CNTN4: variants seen among roughly 807,000 people sequenced by gnomAD.
CNTN4 encodes contactin 4, also known as contactin-4.
In CNTN4, 77 loss-of-function variants were observed where a neutral mutation model predicts 122.5. That is an observed-to-expected ratio of 0.63 (90% CI 0.52 to 0.76). The LOEUF (loss-of-function observed/expected upper bound fraction) is 0.76. CNTN4 is among the 30% of genes least tolerant of loss of function. The pLI, the probability that CNTN4 is intolerant of heterozygous loss-of-function variation, is 0.00. For synonymous variants in CNTN4, 512 were observed against 447.0 expected, an observed-to-expected ratio of 1.15 and a Z score of -1.83; for missense variants, 1,256 against 1,259.1, an observed-to-expected ratio of 1.00 and a Z score of 0.04.
chr3:2,440,364 CAT>C (rs1651189541), intron 3 of CNTN4, among the ~76,000 whole-genome samples: 1 of 152,190 alleles, frequency 6.6e-6, no homozygotes, highest in African/African-American at 2.4e-5. Context: ...GAAAATCCCT[CAT>C]ATGTCTTTAA....
chr3:2,154,759 A>G (rs571310236), intron 2 of CNTN4, among the ~76,000 whole-genome samples: 3 of 152,338 alleles, frequency 2.0e-5, no homozygotes, highest in Admixed American at 6.5e-5. Flanking sequence ...AGAGGTTCCC[A>G]TGGGAACCAC....
chr3:2,269,036 T>C (rs1196905583), intron 2 of CNTN4, among the ~76,000 whole-genome samples: 1 of 152,162 alleles, frequency 6.6e-6, no homozygotes, highest in East Asian at 1.9e-4. Flanking sequence ...TCTGTCGAAA[T>C]GTCTGATGCA....
At chr3:2,912,546 T>C (rs2094312044) in intron 12 of CNTN4, among the ~76,000 whole-genome samples, 1 of 152,196 alleles carries the variant, frequency 6.6e-6, no homozygotes, top group Non-Finnish European at 1.5e-5. Flanking sequence ...TCCTGTAATA[T>C]TGTAGGTACA....
intron 3 of CNTN4, among the ~76,000 whole-genome samples, chr3:2,364,664 T>C (rs1006257703): frequency 4.6e-5 from 7 of 152,108 alleles, no homozygotes; most frequent in Non-Finnish European, 8.8e-5. Context: ...GGATACTTTA[T>C]TGCACTGAGT....
intron 4 of CNTN4, among the ~76,000 whole-genome samples, chr3:2,657,254 AT>A (rs1228480171): frequency 6.6e-6 from 1 of 152,202 alleles, no homozygotes; most frequent in African/African-American, 2.4e-5. Context: ...TTGGAAACCT[AT>A]TTTACATTGA....
chr3:2,611,574 C>G (rs1904393), intron 4 of CNTN4, among the ~76,000 whole-genome samples: 99 of 152,104 alleles, frequency 6.5e-4, no homozygotes, highest in African/African-American at 2.2e-3. Flanking sequence ...GACTTAGATA[C>G]GTTCACACCA....
At chr3:2,236,207 T>A (rs959446067) in intron 2 of CNTN4, among the ~76,000 whole-genome samples, 1 of 152,180 alleles carries the variant, frequency 6.6e-6, no homozygotes, top group African/African-American at 2.4e-5. Flanking sequence ...ATCCTCTAGG[T>A]CATTGCTAAA....
At chr3:2,396,656 G>GTTTGTT (rs2046651708) in intron 3 of CNTN4, among the ~76,000 whole-genome samples, 1 of 145,106 alleles carries the variant, frequency 6.9e-6, no homozygotes, top group Admixed American at 6.9e-5. Flanking sequence ...TTATGTCTGG[G>GTTTGTT]TTTTTTTTTT....
At position 2,578,401 on chromosome 3, in the gene CNTN4, A is replaced by G. The variant is rs150564010; in HGVS notation, c.55+6843A>G. 3.3e-5 allele frequency among the ~76,000 whole-genome samples: 5 copies of G among 152,288 alleles called. No individual in the cohort carries two copies. The East Asian group carries it at 9.7e-4, about 29-fold the overall frequency. On this transcript the variant is annotated intron_variant, in intron 4 of 24. Coordinates refer to ENST00000418658, the MANE Select transcript of CNTN4 (RefSeq NM_175607.3). ...TAAAGCTCATGACCAACCCAGAAGG[A>G]TCCTCCCTTTTATCCCCACCAGGAT...
chr3:2,737,135 G>C (rs987376629), intron 5 of CNTN4, among the ~76,000 whole-genome samples: 3 of 151,682 alleles, frequency 2.0e-5, no homozygotes, highest in Non-Finnish European at 4.4e-5. Flanking sequence ...GGCTGAAGTG[G>C]ATTGGCTCAG....
chr3:2,628,408 C>G (rs1050859015), intron 4 of CNTN4, among the ~76,000 whole-genome samples: 2 of 152,174 alleles, frequency 1.3e-5, no homozygotes, highest in African/African-American at 4.8e-5. Flanking sequence ...ATCAACTTTG[C>G]TGTTCCACAG....
chr3:2,243,428 G>C (rs189442491), intron 2 of CNTN4, among the ~76,000 whole-genome samples: 2 of 152,224 alleles, frequency 1.3e-5, no homozygotes, highest in African/African-American at 4.8e-5. Flanking sequence ...ATTAAAGCAA[G>C]CTTGTTCAAC....
At chr3:2,171,350 A>G (rs1231116348) in intron 2 of CNTN4, among the ~76,000 whole-genome samples, 1 of 152,228 alleles carries the variant, frequency 6.6e-6, no homozygotes, top group Non-Finnish European at 1.5e-5. Context: ...AGGATGTAAT[A>G]TGTGATCTCA....
At chr3:2,683,480 A>G (rs532311492) in intron 4 of CNTN4, among the ~76,000 whole-genome samples, 1 of 148,084 alleles carries the variant, frequency 6.8e-6, no homozygotes, top group South Asian at 2.1e-4. Flanking sequence ...CTCTCTGAAC[A>G]CATGTCCACA....
At chr3:2,304,337 C>T (rs2042628941) in intron 2 of CNTN4, among the ~76,000 whole-genome samples, 1 of 151,972 alleles carries the variant, frequency 6.6e-6, no homozygotes. Context: ...TATTTGTATA[C>T]TTAAGAATGA....
chr3:2,606,136 G>C (rs1052622622), intron 4 of CNTN4, among the ~76,000 whole-genome samples: 2 of 152,148 alleles, frequency 1.3e-5, no homozygotes, highest in African/African-American at 4.8e-5. Flanking sequence ...AATATCGAAT[G>C]GGGGGACAAA....
intron 6 of CNTN4, among the ~76,000 whole-genome samples, chr3:2,784,029 T>A (rs1349849488): frequency 6.6e-6 from 1 of 152,236 alleles, no homozygotes; most frequent in African/African-American, 2.4e-5. Context: ...AATAGACTAT[T>A]CTTTTATGAT....
chr3:2,483,690 G>T (rs2076068927), intron 3 of CNTN4, among the ~76,000 whole-genome samples: 1 of 152,070 alleles, frequency 6.6e-6, no homozygotes, highest in Admixed American at 6.6e-5. Context: ...TTTATAAGTG[G>T]CATTTCCCCT....
chr3:2,477,437 A>T (rs1363991532), intron 3 of CNTN4, among the ~76,000 whole-genome samples: 1 of 152,220 alleles, frequency 6.6e-6, no homozygotes, highest in Non-Finnish European at 1.5e-5. Flanking sequence ...TATATACATT[A>T]TCTCATTCAA....
Sources: allele counts gnomAD v4.1 joint callset (sites outside exome capture counted in the v4.1 genomes callset), GRCh38; gene constraint gnomAD v4.1.1; transcripts MANE v1.5; gene names NCBI Gene and HGNC (gene_info 2026-07-23, HGNC 2026-07-21).